RP1: variants seen among roughly 807,000 people sequenced by gnomAD.
The protein encoded by RP1 is RP1 axonemal microtubule associated.
In RP1, 16 loss-of-function variants were observed where a neutral mutation model predicts 14.8. The observed-to-expected ratio is 1.08, with a 90% confidence interval of 0.73 to 1.65. The LOEUF (loss-of-function observed/expected upper bound fraction) is 1.65. Ranked by LOEUF, RP1 falls within the 40% of genes most tolerant of loss-of-function variation. RP1 has a pLI of 0.00. For missense variants in RP1, 2,631 were observed against 2,535.0 expected (o/e 1.04, Z -0.81); for synonymous variants, 876 against 883.6 (o/e 0.99, Z 0.15).
intron 18 of RP1, among the ~76,000 whole-genome samples, chr8:54,736,655 A>G (rs1358027064): frequency 6.6e-6 from 1 of 152,096 alleles, no homozygotes; most frequent in Non-Finnish European, 1.5e-5. Flanking sequence ...AAGTGTGAAT[A>G]GCTTTAGATT....
intron 1 of RP1, among the ~76,000 whole-genome samples, chr8:54,618,352 A>G (rs536834718): frequency 6.6e-6 from 1 of 152,180 alleles, no homozygotes; most frequent in Non-Finnish European, 1.5e-5. Flanking sequence ...CCAGCACAAA[A>G]TCTTTCTCTT....
At chr8:54,587,953 A>C (rs970941783) in intron 1 of RP1, among the ~76,000 whole-genome samples, 38 of 152,180 alleles carry the variant, frequency 2.5e-4, no homozygotes, top group African/African-American at 9.2e-4. Flanking sequence ...TTAAGTTTAG[A>C]CCATTTAAAA....
intron 7 of RP1, among the ~76,000 whole-genome samples, chr8:54,665,056 T>C (rs957967047): frequency 2.6e-5 from 4 of 152,206 alleles, no homozygotes; most frequent in African/African-American, 7.2e-5. Context: ...AAGTTCTTTA[T>C]TTATTCTGGA....
intron 1 of RP1, among the ~76,000 whole-genome samples, chr8:54,601,983 T>G (rs1805303450): frequency 1.3e-5 from 2 of 152,334 alleles, no homozygotes; most frequent in South Asian, 2.1e-4. Flanking sequence ...GTTCTAAACT[T>G]AGATCATTGT....
chr8:54,837,372 G>A, intron 24 of RP1: 1 of 547,850 alleles, frequency 1.8e-6, no homozygotes, highest in Non-Finnish European at 2.8e-6. Context: ...AAAGTAAGTA[G>A]TGAGTTCAAA....
intron 9 of RP1, among the ~76,000 whole-genome samples, chr8:54,679,085 TA>T (rs1426462656): frequency 6.6e-6 from 1 of 152,172 alleles, no homozygotes; most frequent in African/African-American, 2.4e-5. Flanking sequence ...GGGTTTGAAC[TA>T]TATTTAGTGG....
chr8:54,804,587 A>C (rs917441560), intron 24 of RP1, among the ~76,000 whole-genome samples: 1 of 152,244 alleles, frequency 6.6e-6, no homozygotes, highest in African/African-American at 2.4e-5. Context: ...TGGCAAAAAG[A>C]AGCAGTAAGA....
rs182059830 is a variant in RP1 at position 54,664,435 on chromosome 8, A to G, written c.1323+585A>G. On this transcript the variant is annotated intron_variant, in intron 7 of 22. Transcript: ENST00000636932. ...TTTAGAAGTGGGATTGAGGGATCAT[A>G]TGGTAGTTTGTTTTTAATTTTTTGA... Among the ~76,000 whole-genome samples, 204 of 152,254 alleles carry G rather than the reference A, an allele frequency of 1.3e-3. 2 individuals carry two copies. The highest frequency in any genetic ancestry group is 4.7e-3 in the African/African-American group (194 of 41,570).
At chr8:54,579,481 T>TC (rs568617596) in intron 1 of RP1, among the ~76,000 whole-genome samples, 288 of 152,108 alleles carry the variant, frequency 1.9e-3, no homozygotes, top group Non-Finnish European at 3.4e-3. Flanking sequence ...TTGTGGCATT[T>TC]CCCCCCCAGT....
At chr8:54,697,854 C>A (rs1312198618) in intron 12 of RP1, among the ~76,000 whole-genome samples, 1 of 152,182 alleles carries the variant, frequency 6.6e-6, no homozygotes, top group Non-Finnish European at 1.5e-5. Flanking sequence ...AAAGCCGAAA[C>A]TGGATCCCTT....
intron 1 of RP1, among the ~76,000 whole-genome samples, chr8:54,588,603 C>T (rs972437183): frequency 9.9e-5 from 15 of 152,268 alleles, no homozygotes; most frequent in African/African-American, 3.1e-4. Context: ...CTATAATCAT[C>T]GTGTCAGGTC....
chr8:54,564,012 TATG>T (rs1352491086), intron 1 of RP1, among the ~76,000 whole-genome samples: 1 of 152,276 alleles, frequency 6.6e-6, no homozygotes. Flanking sequence ...TATTTCAAGT[TATG>T]CTGGTGTGAG....
chr8:54,763,517 C>G (rs1025597877), intron 22 of RP1, among the ~76,000 whole-genome samples: 1 of 152,134 alleles, frequency 6.6e-6, no homozygotes, highest in Admixed American at 6.5e-5. Flanking sequence ...CATGTCTCTA[C>G]TAAAAATACA....
chr8:54,711,081 G>A (rs938934932), intron 15 of RP1, among the ~76,000 whole-genome samples: 14 of 152,136 alleles, frequency 9.2e-5, no homozygotes, highest in African/African-American at 3.4e-4. Context: ...CTCTACCAAT[G>A]TGTATCAGTT....
chr8:54,660,910 A>G (rs1806875096), intron 6 of RP1, among the ~76,000 whole-genome samples: 2 of 152,060 alleles, frequency 1.3e-5, no homozygotes, highest in Non-Finnish European at 2.9e-5. Context: ...AGAATAGCAC[A>G]AAGGTGATAG....
At chr8:54,643,579 T>C (rs895729146) in intron 3 of RP1, among the ~76,000 whole-genome samples, 13 of 152,236 alleles carry the variant, frequency 8.5e-5, no homozygotes, top group African/African-American at 2.7e-4. Flanking sequence ...ACATTTTACC[T>C]GTAGAGTCAC....
At chr8:54,600,325 A>G (rs1300003372) in intron 1 of RP1, among the ~76,000 whole-genome samples, 1 of 152,098 alleles carries the variant, frequency 6.6e-6, no homozygotes, top group African/African-American at 2.4e-5. Flanking sequence ...TAGAACTTTG[A>G]GTCAATTAAA....
At chr8:54,706,567 A>C (rs1396544307) in exon 15 of RP1, 5 of 1,536,114 alleles carry the variant, frequency 3.3e-6, no homozygotes, top group Non-Finnish European at 4.4e-6. Context: ...TGGAAAGTGC[A>C]TAAAATCAGC....
chr8:54,699,724 G>T (rs975026204), intron 13 of RP1, among the ~76,000 whole-genome samples: 5 of 152,024 alleles, frequency 3.3e-5, no homozygotes, highest in Non-Finnish European at 7.4e-5. Context: ...AGACTGTGAT[G>T]CATAAATGGT....
Sources: gnomAD v4.1 joint callset for allele counts (sites outside exome capture counted in the v4.1 genomes callset) on GRCh38, gnomAD v4.1.1 for gene constraint, MANE v1.5 for transcripts, NCBI Gene and HGNC (gene_info 2026-07-23, HGNC 2026-07-21) for gene names.